FNDC3A: variants seen among roughly 807,000 people sequenced by gnomAD.
The protein encoded by FNDC3A is fibronectin type-III domain-containing protein 3A.
In FNDC3A, 32 loss-of-function variants were observed where a neutral mutation model predicts 148.9. The ratio of observed to expected loss-of-function variants is 0.21; its 90% CI spans 0.16 to 0.29. FNDC3A has a LOEUF of 0.29. Ranked by LOEUF, FNDC3A falls within the 10% of genes least tolerant of loss-of-function variation. The pLI, the probability that FNDC3A is intolerant of heterozygous loss-of-function variation, is 1.00. For synonymous variants in FNDC3A, 472 were observed against 473.6 expected, an observed-to-expected ratio of 1.00 and a Z score of 0.04; for missense variants, 1,191 against 1,452.8, an observed-to-expected ratio of 0.82 and a Z score of 2.93.
chr13:49,176,548 G>A lies in FNDC3A; in HGVS notation c.1530+1007G>A, dbSNP rs369199908. 2.0e-5 allele frequency among the ~76,000 whole-genome samples: 3 copies of A among 152,098 alleles called. No homozygotes were observed. In the East Asian group the frequency reaches 5.8e-4, roughly 29 times the overall value. ...CCTAATGTAGATGATGGGTTGATGG[G>A]TGCAGCAAACCACCATGGCACATGT... is the stretch of plus-strand genomic sequence containing the variant. On this transcript the variant is annotated intron_variant, in intron 13 of 25. Coordinates refer to ENST00000492622, the MANE Select transcript of FNDC3A (RefSeq NM_001079673.2).
chr13:49,013,544 ATG>A (rs1333354658), intron 2 of FNDC3A, among the ~76,000 whole-genome samples: 1 of 151,722 alleles, frequency 6.6e-6, no homozygotes, highest in Admixed American at 6.5e-5. Flanking sequence ...ATACGTGTAC[ATG>A]TGTATACATA....
chr13:49,089,238 A>G (rs903686291), intron 3 of FNDC3A, among the ~76,000 whole-genome samples: 12 of 152,356 alleles, frequency 7.9e-5, no homozygotes, highest in African/African-American at 2.9e-4. Context: ...AAATTTTTAT[A>G]TTTATCAAAA....
chr13:49,018,465 G>A (rs1239912450), intron 2 of FNDC3A, among the ~76,000 whole-genome samples: 3 of 152,164 alleles, frequency 2.0e-5, no homozygotes, highest in African/African-American at 4.8e-5. Flanking sequence ...GCTCCTTTAA[G>A]CACTTCTCTG....
chr13:49,176,778 A>C (rs574870531), intron 13 of FNDC3A, among the ~76,000 whole-genome samples: 24 of 151,902 alleles, frequency 1.6e-4, no homozygotes, highest in African/African-American at 5.6e-4. Flanking sequence ...TGTTTGGGAG[A>C]GGTTAGGTAT....
intron 6 of FNDC3A, among the ~76,000 whole-genome samples, chr13:49,138,330 T>C (rs1246113039): frequency 2.0e-5 from 3 of 152,164 alleles, no homozygotes; most frequent in Non-Finnish European, 4.4e-5. Flanking sequence ...TCAAGCCAAT[T>C]ATATTTCTAA....
chr13:49,035,870 A>G (rs957907025), intron 2 of FNDC3A, among the ~76,000 whole-genome samples: 1 of 152,120 alleles, frequency 6.6e-6, no homozygotes, highest in Non-Finnish European at 1.5e-5. Context: ...ATTATCCATC[A>G]TGGAACTAAA....
chr13:49,136,616 TACTGA>T lies in FNDC3A; in HGVS notation c.760+20_760+24del. The T allele has an allele frequency of 6.2e-7, 1 of 1,606,796 alleles. No individual in the cohort carries two copies. The highest frequency in any genetic ancestry group is 1.7e-5 in the Admixed American group (1 of 59,880). On this transcript the variant is annotated intron_variant, in intron 6 of 25. Transcript: ENST00000492622. ...AGAAATTGAAGGTAACTGTTTGAAG[TACTGA>T]ACTGTTCTCATTGATGCTATTCTCG...
At chr13:49,152,523 A>T (rs1219428716) in intron 8 of FNDC3A, among the ~76,000 whole-genome samples, 2 of 142,512 alleles carry the variant, frequency 1.4e-5, no homozygotes, top group Admixed American at 1.4e-4. Context: ...GTTTTTTTTT[A>T]ATTATACTTT....
chr13:49,179,803 C>T (rs749634776), intron 14 of FNDC3A, among the ~76,000 whole-genome samples: 7 of 152,170 alleles, frequency 4.6e-5, no homozygotes, highest in Non-Finnish European at 1.0e-4. Context: ...CACAAGATTT[C>T]TAGTCTCATC....
Position 49,022,789 on chromosome 13 carries a change from A to G in FNDC3A, c.99+16500A>G, listed in dbSNP as rs183359370. ...ATTTAAACATTACTCTCCTTTTTCAATTAGTTTTTTTCTCCCACACGTCTG... is the reference window on the plus strand; with the variant it reads ...ATTTAAACATTACTCTCCTTTTTCAGTTAGTTTTTTTCTCCCACACGTCTG... On this transcript the variant is annotated intron_variant, in intron 2 of 25. Coordinates refer to ENST00000492622, the MANE Select transcript of FNDC3A (RefSeq NM_001079673.2). Among the ~76,000 whole-genome samples, 11 of 152,140 alleles carry G rather than the reference A, an allele frequency of 7.2e-5. No homozygotes were observed. The East Asian group carries it at 1.7e-3, about 24-fold the overall frequency.
intron 2 of FNDC3A, among the ~76,000 whole-genome samples, chr13:49,067,307 A>G (rs759175477): frequency 6.6e-6 from 1 of 152,206 alleles, no homozygotes; most frequent in African/African-American, 2.4e-5. Flanking sequence ...ACATTAGAGC[A>G]GTGTCTTTCG....
In FNDC3A at chr13:49,037,358, T is replaced by C. The variant is rs1315259240; in HGVS notation, c.99+31069T>C. On this transcript the variant is annotated intron_variant, in intron 2 of 25. Transcript: ENST00000492622. Reference sequence around the variant, plus strand: ...CCATGGGTTGGAGGAATGAATGGTTTGGCTTAGCTAACCATTGCTAAATGT... The same window carrying C: ...CCATGGGTTGGAGGAATGAATGGTTCGGCTTAGCTAACCATTGCTAAATGT... Among the ~76,000 whole-genome samples, 4 of 152,312 alleles carry C rather than the reference T, an allele frequency of 2.6e-5. No homozygotes were observed. The East Asian group carries it at 7.7e-4, about 29-fold the overall frequency.
chr13:49,191,428 T>G (rs113103105), intron 19 of FNDC3A, 44 bp downstream of exon 19: 207 of 1,446,484 alleles, frequency 1.4e-4, no homozygotes, highest in Middle Eastern at 3.6e-4. Flanking sequence ...AATGGTGATA[T>G]ATGTTTCATT....
At chr13:49,104,958 A>G (rs1880080844) in intron 3 of FNDC3A, among the ~76,000 whole-genome samples, 1 of 152,226 alleles carries the variant, frequency 6.6e-6, no homozygotes, top group East Asian at 1.9e-4. Flanking sequence ...CTCCATTACA[A>G]TTAAGAACTT....
chr13:49,008,431 C>T (rs1000453074), intron 2 of FNDC3A, among the ~76,000 whole-genome samples: 2 of 147,404 alleles, frequency 1.4e-5, no homozygotes, highest in Admixed American at 1.4e-4. Context: ...TGTTTAACCA[C>T]AGACTAAAAA....
chr13:49,000,303 C>G (rs1417912433), intron 1 of FNDC3A, among the ~76,000 whole-genome samples: 3 of 152,176 alleles, frequency 2.0e-5, no homozygotes, highest in African/African-American at 7.2e-5. Flanking sequence ...ATGTGGCTAT[C>G]CAGTTTTTCA....
chr13:49,078,334 G>C (rs898688598), intron 3 of FNDC3A, among the ~76,000 whole-genome samples: 2 of 152,156 alleles, frequency 1.3e-5, no homozygotes, highest in African/African-American at 4.8e-5. Context: ...AATTTATAAT[G>C]TGCCTGTAAT....
chr13:49,169,524 T>C (rs1197887282), intron 10 of FNDC3A, among the ~76,000 whole-genome samples: 3 of 152,174 alleles, frequency 2.0e-5, no homozygotes, highest in Non-Finnish European at 4.4e-5. Context: ...GCCCTTGATC[T>C]TCACCCCATA....
intron 2 of FNDC3A, among the ~76,000 whole-genome samples, chr13:49,013,566 G>A (rs1232710988): frequency 6.6e-6 from 1 of 151,240 alleles, no homozygotes; most frequent in East Asian, 2.0e-4. Context: ...ATGTACACGT[G>A]TATACATGTA....
Sources: gnomAD v4.1 joint callset for allele counts (sites outside exome capture counted in the v4.1 genomes callset) on GRCh38, gnomAD v4.1.1 for gene constraint, MANE v1.5 for transcripts, NCBI Gene and HGNC (gene_info 2026-07-23, HGNC 2026-07-21) for gene names.